The following GLIS3 variants were observed in gnomAD, a reference collection of about 807,000 sequenced individuals.
GLIS3 encodes GLIS family zinc finger 3.
GLIS3 carries 53 observed loss-of-function variants against 78.6 expected under a neutral mutation model. The observed-to-expected ratio is 0.67, with a 90% confidence interval of 0.54 to 0.85. The LOEUF is 0.85. Ranked by LOEUF, GLIS3 falls within the 40% of genes least tolerant of loss-of-function variation. GLIS3 has a pLI of 0.00. For synonymous variants in GLIS3, 684 were observed against 509.9 expected (o/e 1.34, Z -4.60); for missense variants, 1,703 against 1,231.1 (o/e 1.38, Z -5.74).
At chr9:4,241,803 C>G (rs1823345102) in intron 2 of GLIS3, among the ~76,000 whole-genome samples, 1 of 152,122 alleles carries the variant, frequency 6.6e-6, no homozygotes, top group Non-Finnish European at 1.5e-5. Flanking sequence ...ATTTCTCAGC[C>G]TCCCAAGTAG....
the GLIS3 span, among the ~76,000 whole-genome samples, chr9:4,480,222 T>A: frequency 7.6e-6 from 1 of 132,446 alleles, no homozygotes; most frequent in African/African-American, 2.9e-5. Flanking sequence ...TTTTTTTTTT[T>A]GAGATGAAGT....
At chr9:3,952,481 A>G (rs1263559673) in intron 4 of GLIS3, among the ~76,000 whole-genome samples, 2 of 152,176 alleles carry the variant, frequency 1.3e-5, no homozygotes, top group African/African-American at 4.8e-5. Context: ...ATCTGACATT[A>G]AGTACAAATT....
chr9:3,842,221 C>T (rs757821401), intron 9 of GLIS3, among the ~76,000 whole-genome samples: 13 of 152,116 alleles, frequency 8.5e-5, no homozygotes, highest in Non-Finnish European at 1.5e-4. Flanking sequence ...CATCTGTAAT[C>T]CCAGCATGTT....
the GLIS3 span, among the ~76,000 whole-genome samples, chr9:4,422,968 G>A: frequency 6.6e-6 from 1 of 152,194 alleles, no homozygotes; most frequent in Non-Finnish European, 1.5e-5. Flanking sequence ...TTTGGAGAAA[G>A]AAGCACATCA....
intron 2 of GLIS3, among the ~76,000 whole-genome samples, chr9:4,207,665 G>C (rs1820000428): frequency 1.3e-5 from 2 of 152,118 alleles, no homozygotes; most frequent in African/African-American, 2.4e-5. Context: ...CGTACTCATT[G>C]TGCCTGCATC....
chr9:3,861,100 T>C (rs982394324), intron 8 of GLIS3, among the ~76,000 whole-genome samples: 1 of 152,148 alleles, frequency 6.6e-6, no homozygotes, highest in South Asian at 2.1e-4. Flanking sequence ...TCAACACATG[T>C]TTATGGAATG....
intron 2 of GLIS3, among the ~76,000 whole-genome samples, chr9:4,275,519 G>C (rs965159407): frequency 6.6e-6 from 1 of 151,972 alleles, no homozygotes; most frequent in Non-Finnish European, 1.5e-5. Flanking sequence ...CAGCACTTTG[G>C]GAGGCCGAGG....
chr9:3,879,159 AAGAC>A (rs149479603), intron 8 of GLIS3, among the ~76,000 whole-genome samples: 56 of 152,292 alleles, frequency 3.7e-4, no homozygotes, highest in African/African-American at 1.2e-3. Context: ...GAAAGGTAGA[AAGAC>A]AGGGAAATTC....
At chr9:3,908,718 T>TTTG (rs1823911739) in intron 6 of GLIS3, among the ~76,000 whole-genome samples, 1 of 145,326 alleles carries the variant, frequency 6.9e-6, no homozygotes, top group Admixed American at 6.9e-5. Flanking sequence ...TTTTTTTTTT[T>TTTG]TTTTTTTTTT....
At chr9:4,477,667 G>A in the GLIS3 span, among the ~76,000 whole-genome samples, 9 of 152,146 alleles carry the variant, frequency 5.9e-5, no homozygotes, top group Admixed American at 5.9e-4. Context: ...TCCCGCCTGG[G>A]CCTCCCAAAG....
chr9:4,263,758 G>A (rs1389813328), intron 2 of GLIS3, among the ~76,000 whole-genome samples: 3 of 152,128 alleles, frequency 2.0e-5, no homozygotes, highest in Non-Finnish European at 2.9e-5. Flanking sequence ...GCAACATCTG[G>A]CCTAGTTGAT....
rs929069047 is a variant in GLIS3 at position 3,826,344 on chromosome 9, G to A, written c.*1928C>T. ...CTAGCTGTGAGCATGCATATGTTAG[G>A]CCACTTGTTTAGGCCAAGTGACACG... On this transcript the variant is annotated 3_prime_UTR_variant, in exon 11 of 11. Transcript: ENST00000381971. 2 of 152,162 alleles carry A rather than the reference G, an allele frequency of 1.3e-5. No homozygotes were observed. The highest frequency in any genetic ancestry group is 2.9e-5 in the Non-Finnish European group (2 of 68,040). 9.4% of individuals were successfully genotyped at this position (152,162 alleles called of 1,614,324 possible).
the GLIS3 span, among the ~76,000 whole-genome samples, chr9:4,426,398 C>T: frequency 6.6e-6 from 1 of 152,202 alleles, no homozygotes; most frequent in Non-Finnish European, 1.5e-5. Flanking sequence ...CACATTCAGC[C>T]ACGTTGAACT....
At chr9:3,829,142 A>T (rs1266193811) in intron 10 of GLIS3, among the ~76,000 whole-genome samples, 168 bp downstream of exon 10, 1 of 152,042 alleles carries the variant, frequency 6.6e-6, no homozygotes, top group Non-Finnish European at 1.5e-5. Context: ...GAGGGGCTGA[A>T]GGAGGGCTGG....
chr9:4,002,391 T>C (rs1466199567), intron 4 of GLIS3, among the ~76,000 whole-genome samples: 2 of 152,210 alleles, frequency 1.3e-5, no homozygotes, highest in Non-Finnish European at 2.9e-5. Context: ...TTGAAGCCAC[T>C]AAATGTGTGA....
upstream of GLIS3, among the ~76,000 whole-genome samples, chr9:4,301,067 G>C (rs1024958158): frequency 3.3e-5 from 5 of 152,092 alleles, no homozygotes; most frequent in African/African-American, 9.7e-5. Flanking sequence ...ACCCCAGAAA[G>C]CCAAAACTAA....
rs1287042351 is a variant in GLIS3 at position 3,977,496 on chromosome 9, G to C, written c.1711-40307C>G. 6.6e-6 allele frequency among the ~76,000 whole-genome samples: 1 copy of C among 152,130 alleles called. No homozygotes were observed. The highest frequency in any genetic ancestry group is 1.5e-5 in the Non-Finnish European group (1 of 68,028). ...GAAAAGATTTATTGAATTCCTTTTG[G>C]CACCCGGCACAGCTTAGCAATTTTG... On this transcript the variant is annotated intron_variant, in intron 4 of 10. Transcript: ENST00000381971. This position sits in a 1 kb window ranked among gnomAD's most constrained non-coding sequence, Gnocchi z 4.1.
intron 4 of GLIS3, among the ~76,000 whole-genome samples, chr9:4,090,788 C>T (rs1218554821): frequency 6.6e-6 from 1 of 152,186 alleles, no homozygotes; most frequent in Non-Finnish European, 1.5e-5. Context: ...ACAAAACACA[C>T]CCTCTGTCAA....
chr9:3,876,836 A>G lies in GLIS3; in HGVS notation c.2297+2591T>C, dbSNP rs575473451. Among the ~76,000 whole-genome samples, 166 of 151,370 alleles carry G rather than the reference A, an allele frequency of 1.1e-3. 1 individual carries two copies. Among genetic ancestry groups the G allele is most frequent in the African/African-American group, 3.2e-3 (133 of 41,174 alleles). ...CAAGAGGAGGAATAAAAAATACAAA[A>G]TGTTAAAAAAAGACAAACACACAAA... On this transcript the variant is annotated intron_variant, in intron 8 of 10. Coordinates refer to ENST00000381971, the MANE Select transcript of GLIS3 (RefSeq NM_001042413.2).
Sources: allele counts gnomAD v4.1 joint callset (sites outside exome capture counted in the v4.1 genomes callset), GRCh38; gene constraint gnomAD v4.1.1; non-coding constraint Gnocchi (gnomAD v3.1); transcripts MANE v1.5; gene names NCBI Gene and HGNC (gene_info 2026-07-23, HGNC 2026-07-21).